The following CYP7B1 variants were observed in gnomAD, a reference collection of about 807,000 sequenced individuals.
CYP7B1 encodes cytochrome P450 7B1.
CYP7B1 carries 29 observed loss-of-function variants against 42.7 expected under a neutral mutation model. That is an observed-to-expected ratio of 0.68 (90% CI 0.51 to 0.93). The LOEUF is 0.93. Among genes scored for constraint, CYP7B1 ranks in the 40% least tolerant of loss-of-function variants. The pLI is 0.00. For synonymous variants in CYP7B1, 235 were observed against 218.2 expected, an observed-to-expected ratio of 1.08 and a Z score of -0.68; for missense variants, 655 against 600.5, an observed-to-expected ratio of 1.09 and a Z score of -0.95.
rs188013510 is a variant in CYP7B1 at position 64,606,890 on chromosome 8, C to A, written c.1058-2033G>T. 2.6e-3 allele frequency among the ~76,000 whole-genome samples: 399 copies of A among 152,316 alleles called. 4 individuals are homozygous for A. The highest frequency in any genetic ancestry group is 8.9e-3 in the African/African-American group (368 of 41,570). On this transcript the variant is annotated intron_variant, in intron 4 of 5. Transcript: ENST00000310193. ...CAGACACAAAAGCGAGCAGCTTTTC[C>A]ACCAGCCCCAGTACGAATGCAGGCA...
intron 2 of CYP7B1, among the ~76,000 whole-genome samples, chr8:64,619,048 A>G (rs1805490694): frequency 6.6e-6 from 1 of 152,106 alleles, no homozygotes; most frequent in Non-Finnish European, 1.5e-5. Context: ...AACCCTGGAG[A>G]TGTTAGCTGG....
chr8:64,757,982 C>T (rs1486341412), intron 1 of CYP7B1, among the ~76,000 whole-genome samples: 1 of 152,204 alleles, frequency 6.6e-6, no homozygotes, highest in Non-Finnish European at 1.5e-5. Context: ...CTCCATAACA[C>T]ACCTTTGGAC....
Position 64,616,308 on chromosome 8 carries a change from T to C in CYP7B1, c.260-27A>G, listed in dbSNP as rs777569903. On this transcript the variant is annotated intron_variant, in intron 2 of 5. Coordinates refer to ENST00000310193, the MANE Select transcript of CYP7B1 (RefSeq NM_004820.5). ...TAGAAAAAAAAAAAGAGAGAGAAAA[T>C]ATGAGTTCGTTTGTTAATAAAACAG... The C allele has an allele frequency of 2.9e-6, 4 of 1,364,186 alleles. No homozygotes were observed. The Admixed American group carries it at 5.9e-5, about 20-fold the overall frequency. The allele number at this position is 1,364,186 out of a possible 1,614,324, so 84.5% of individuals were successfully genotyped here.
chr8:64,684,132 A>C (rs1806584467), intron 1 of CYP7B1, among the ~76,000 whole-genome samples: 1 of 152,240 alleles, frequency 6.6e-6, no homozygotes, highest in Admixed American at 6.5e-5. Context: ...CTGACCACGA[A>C]AGTGGGTAAG....
At chr8:64,723,082 T>C (rs1355512123) in intron 1 of CYP7B1, among the ~76,000 whole-genome samples, 1 of 152,182 alleles carries the variant, frequency 6.6e-6, no homozygotes, top group Non-Finnish European at 1.5e-5. Context: ...TTAAAGTAAA[T>C]TTAAATAAAT....
intron 1 of CYP7B1, among the ~76,000 whole-genome samples, chr8:64,709,082 G>A (rs564747826): frequency 2.6e-5 from 4 of 152,142 alleles, no homozygotes; most frequent in South Asian, 2.1e-4. Context: ...GAAAGGGGCC[G>A]CAGTGCAGGA....
At chr8:64,599,976 G>T (rs1270042531) in intron 5 of CYP7B1, among the ~76,000 whole-genome samples, 1 of 152,194 alleles carries the variant, frequency 6.6e-6, no homozygotes, top group Non-Finnish European at 1.5e-5. Context: ...ATCTCTGCAT[G>T]TTTAAAGCCT....
intron 1 of CYP7B1, among the ~76,000 whole-genome samples, chr8:64,720,840 A>G (rs927890459): frequency 1.3e-5 from 2 of 152,122 alleles, no homozygotes; most frequent in Non-Finnish European, 2.9e-5. Context: ...CTGGGTAATG[A>G]AAGTGCTATA....
rs538881009 is a variant in CYP7B1, at chr8:64,685,152, C to T, written c.123-60613G>A. On this transcript the variant is annotated intron_variant, in intron 1 of 5. Coordinates refer to ENST00000310193, the MANE Select transcript of CYP7B1 (RefSeq NM_004820.5). ...AATATTAACATTAGGCAGTCTTTGC[C>T]GCCCCGCCGGCGAGCGCCGCCCGGG... Among the ~76,000 whole-genome samples, 42 of 152,266 alleles carry T rather than the reference C, an allele frequency of 2.8e-4. 1 individual carries two copies. In the South Asian group the frequency reaches 7.7e-3, roughly 28 times the overall value.
chr8:64,658,959 G>A (rs1806161425), intron 1 of CYP7B1, among the ~76,000 whole-genome samples: 1 of 152,190 alleles, frequency 6.6e-6, no homozygotes, highest in South Asian at 2.1e-4. Flanking sequence ...TCACACACAT[G>A]TGCAGGAACT....
intron 1 of CYP7B1, among the ~76,000 whole-genome samples, chr8:64,665,568 T>G (rs1194257432): frequency 1.1e-5 from 1 of 92,480 alleles, no homozygotes; most frequent in African/African-American, 4.0e-5. Context: ...GGTTTTTTTT[T>G]TTTTTTTTTT....
In CYP7B1 at chr8:64,798,618, C is replaced by CG; in HGVS notation, c.-32dup. The CG allele has an allele frequency of 1.4e-6, 2 of 1,449,310 alleles. No individual in the cohort carries two copies. Among genetic ancestry groups the CG allele is most frequent in the South Asian group, 1.4e-5 (1 of 73,076 alleles). The allele number at this position is 1,449,310 out of a possible 1,614,324, so 89.8% of individuals were successfully genotyped here. A position where few individuals can be genotyped will look rare whatever the true frequency, so the allele number is the denominator to read the frequency against. On this transcript the variant is annotated 5_prime_UTR_variant, in exon 1 of 6. Coordinates refer to ENST00000310193, the MANE Select transcript of CYP7B1 (RefSeq NM_004820.5). Reference sequence around the variant, plus strand: ...GCGCGCTAGGCCGCGGTGGGCAGCCCGGGGTCTGCCTGCGAACAGCGCGGT... The same window carrying CG: ...GCGCGCTAGGCCGCGGTGGGCAGCCCGGGGGTCTGCCTGCGAACAGCGCGGT...
At chr8:64,708,225 G>T (rs561578700) in intron 1 of CYP7B1, among the ~76,000 whole-genome samples, 51 of 152,070 alleles carry the variant, frequency 3.4e-4, no homozygotes, top group Non-Finnish European at 6.6e-4. Flanking sequence ...AGATTCAAAA[G>T]AAATTTTAGG....
intron 1 of CYP7B1, among the ~76,000 whole-genome samples, chr8:64,666,398 T>C (rs983028694): frequency 6.6e-6 from 1 of 152,136 alleles, no homozygotes; most frequent in East Asian, 1.9e-4. Flanking sequence ...TTTTAAAATA[T>C]AGAATATTAT....
At chr8:64,589,405 C>T (rs1805007088), downstream of CYP7B1, among the ~76,000 whole-genome samples, 1 of 152,120 alleles carries the variant, frequency 6.6e-6, no homozygotes, top group Non-Finnish European at 1.5e-5. Flanking sequence ...TGTAATTGCT[C>T]AGTATGAAGG....
intron 2 of CYP7B1, among the ~76,000 whole-genome samples, chr8:64,617,254 A>G (rs1805462839): frequency 6.6e-6 from 1 of 152,164 alleles, no homozygotes; most frequent in Non-Finnish European, 1.5e-5. Flanking sequence ...GAAGGCTTGG[A>G]GGGGGTCCTA....
intron 1 of CYP7B1, among the ~76,000 whole-genome samples, chr8:64,787,161 C>T (rs912527426): frequency 6.6e-6 from 1 of 152,242 alleles, no homozygotes; most frequent in Non-Finnish European, 1.5e-5. Flanking sequence ...CAGACATTTT[C>T]CCCACTGTGT....
At position 64,615,784 on chromosome 8, in the gene CYP7B1, T is replaced by C. The variant is rs200328073; in HGVS notation, c.757A>G (p.Lys253Glu). 134 of 1,613,728 alleles carry C rather than the reference T, an allele frequency of 8.3e-5. No individual in the cohort carries two copies. Among genetic ancestry groups the C allele is most frequent in the East Asian group, 4.5e-5 (2 of 44,878 alleles). ...EKIIKCFSSE[K>E]LAKMQGWSEV... ...GACCATCCTTGCATCTTGGCTAACT[T>C]TTCTGATGAGAAGCATTTTATAATT... The change falls in exon 3 of 6, where the codon AAG (lysine) becomes GAG (glutamate). Residue 253 changes from lysine (K) to glutamate (E), a missense_variant. Lys to Glu is a moderately conservative substitution (Grantham distance 56). Transcript: ENST00000310193.
chr8:64,747,352 G>A (rs1807659181), intron 1 of CYP7B1, among the ~76,000 whole-genome samples: 1 of 150,042 alleles, frequency 6.7e-6, no homozygotes, highest in Non-Finnish European at 1.5e-5. Context: ...CAAGGTAGAG[G>A]TTGGGGCACT....
Sources: gnomAD v4.1 joint callset for allele counts (sites outside exome capture counted in the v4.1 genomes callset) on GRCh38, gnomAD v4.1.1 for gene constraint, MANE v1.5 for transcripts, NCBI Gene and HGNC (gene_info 2026-07-23, HGNC 2026-07-21) for gene names.